Variants in U2SURP observed in about 807,000 individuals in gnomAD.
The protein encoded by U2SURP is U2 snRNP-associated SURP motif-containing protein.
Under a neutral mutation model 144.9 loss-of-function variants are expected in U2SURP, and 9 were observed. The ratio of observed to expected loss-of-function variants is 0.06; its 90% CI spans 0.04 to 0.11. U2SURP has a LOEUF of 0.11. Among genes scored for constraint, U2SURP ranks in the 10% least tolerant of loss-of-function variants. The pLI is 1.00. For missense variants in U2SURP, 724 were observed against 1,226.7 expected, an observed-to-expected ratio of 0.59 and a Z score of 6.12; for synonymous variants, 408 against 396.8, an observed-to-expected ratio of 1.03 and a Z score of -0.33.
rs778551282 is a variant in U2SURP at position 143,060,083 on chromosome 3, A to T, written c.*3633A>T. The stretch of plus-strand genomic sequence containing the variant: ...TTGAAAATTTGATGCCTCAGTGTTT[A>T]TTCAGTACCACCTCATGGAGCTTCA... On this transcript the variant is annotated 3_prime_UTR_variant, in exon 28 of 28. Coordinates refer to ENST00000473835, the MANE Select transcript of U2SURP (RefSeq NM_001080415.2). The T allele has an allele frequency of 7.2e-5, 11 of 152,438 alleles. No individual in the cohort carries two copies. The highest frequency in any genetic ancestry group is 1.5e-4 in the Non-Finnish European group (10 of 67,898). 9.4% of individuals were successfully genotyped at this position (152,438 alleles called of 1,614,324 possible).
chr3:143,002,336 A>C (rs1325441047), intron 1 of U2SURP: 1 of 152,334 alleles, frequency 6.6e-6, no homozygotes, highest in Non-Finnish European at 1.5e-5. Context: ...TTGAAGAAAC[A>C]GTGAAAAGAG....
intron 24 of U2SURP, among the ~76,000 whole-genome samples, chr3:143,046,284 T>TA (rs1934438773): frequency 9.2e-6 from 1 of 108,678 alleles, no homozygotes; most frequent in Admixed American, 9.6e-5. Context: ...TTTTTTTTTT[T>TA]AGTTTATTTT....
rs1935155345 is a variant in U2SURP at position 143,056,404 on chromosome 3, G to T, written c.3044G>T (p.Arg1015Ile). 2 of 1,613,086 alleles carry T rather than the reference G, an allele frequency of 1.2e-6. No individual in the cohort carries two copies. The highest frequency in any genetic ancestry group is 1.7e-6 in the Non-Finnish European group (2 of 1,179,372). The change falls in exon 28 of 28, where the codon AGA (arginine) becomes ATA (isoleucine). Residue 1015 changes from arginine to isoleucine, a missense_variant. This residue lies in a region of U2SURP where 129 missense variants were observed against 196.1 expected (regional missense o/e 0.66). Transcript: ENST00000473835. Reference protein sequence around the residue: ...KSGKKSRSQSRSPHRSHKKSK... With the variant: ...KSGKKSRSQSISPHRSHKKSK... Reference sequence around the variant, plus strand: ...GGAAAGAAGTCCAGATCCCAGTCCAGATCTCCACACAGGTCTCATAAAAAG... The same window carrying T: ...GGAAAGAAGTCCAGATCCCAGTCCATATCTCCACACAGGTCTCATAAAAAG...
chr3:143,056,606 C>G lies in U2SURP; in HGVS notation c.*156C>G. ...TGTGTAAACTCATGAGCAACTGCAT[C>G]TGTAGATCTGTCATTGTTTTATATT... On this transcript the variant is annotated 3_prime_UTR_variant, in exon 28 of 28. Transcript: ENST00000473835. 1 of 734,304 alleles carries G rather than the reference C, an allele frequency of 1.4e-6. No individual in the cohort carries two copies. The highest frequency in any genetic ancestry group is 2.2e-6 in the Non-Finnish European group (1 of 461,594). The allele number at this position is 734,304 out of a possible 1,614,324, so 45.5% of individuals were successfully genotyped here. A position where few individuals can be genotyped will look rare whatever the true frequency, so the allele number is the denominator to read the frequency against.
At chr3:143,046,290 ATTTTTTATTT>A (rs1378590695) in intron 24 of U2SURP, among the ~76,000 whole-genome samples, 8 of 55,142 alleles carry the variant, frequency 1.5e-4, no homozygotes, top group African/African-American at 4.9e-4. Flanking sequence ...TTTTTAGTTT[ATTTTTTATTT>A]TTTTTTATTT....
intron 24 of U2SURP, among the ~76,000 whole-genome samples, chr3:143,046,532 A>G (rs1244697499): frequency 9.0e-6 from 1 of 110,672 alleles, no homozygotes; most frequent in Non-Finnish European, 1.8e-5. Flanking sequence ...CTTAACGAGC[A>G]TGCTGCCTTC....
chr3:143,001,700 C>T lies in U2SURP; in HGVS notation c.45+27C>T, dbSNP rs112914172. On this transcript the variant is annotated intron_variant, in intron 1 of 27. Coordinates refer to ENST00000473835, the MANE Select transcript of U2SURP (RefSeq NM_001080415.2). Reference sequence around the variant, plus strand: ...TAATTTCTGACAAAATTTCGTAAGTCAGCGGATCTACCACTGTCGTTTGGG... The same window carrying T: ...TAATTTCTGACAAAATTTCGTAAGTTAGCGGATCTACCACTGTCGTTTGGG... 2,445 of 1,613,182 alleles carry T rather than the reference C, an allele frequency of 1.5e-3. 7 individuals carry two copies. Among genetic ancestry groups the T allele is most frequent in the Non-Finnish European group, 1.8e-3 (2,082 of 1,179,578 alleles).
chr3:143,019,563 G>A (rs185286848), intron 6 of U2SURP, among the ~76,000 whole-genome samples: 2 of 152,230 alleles, frequency 1.3e-5, no homozygotes, highest in East Asian at 3.9e-4. Flanking sequence ...AATTATGTTG[G>A]CACTTCTAAA....
chr3:143,045,229 C>T (rs1934363957), intron 24 of U2SURP, among the ~76,000 whole-genome samples: 1 of 152,012 alleles, frequency 6.6e-6, no homozygotes, highest in African/African-American at 2.4e-5. Flanking sequence ...ATTAGCCGGG[C>T]ATGGTGACGG....
rs1410547381 is a variant in U2SURP, at chr3:143,058,143, C to T, written c.*1693C>T. The T allele has an allele frequency of 6.6e-6, 1 of 152,352 alleles. No homozygotes were observed. Among genetic ancestry groups the T allele is most frequent in the Non-Finnish European group, 1.5e-5 (1 of 67,850 alleles). The allele number at this position is 152,352 out of a possible 1,614,324, so 9.4% of individuals were successfully genotyped here. A position where few individuals can be genotyped will look rare whatever the true frequency, so the allele number is the denominator to read the frequency against. ...TTAAAAAGTAACATGTTTTTCTCCCCTGCTCATTGCCTGGGAGAATGGAAT... is the reference window on the plus strand; with the variant it reads ...TTAAAAAGTAACATGTTTTTCTCCCTTGCTCATTGCCTGGGAGAATGGAAT... On this transcript the variant is annotated 3_prime_UTR_variant, in exon 28 of 28. Coordinates refer to ENST00000473835, the MANE Select transcript of U2SURP (RefSeq NM_001080415.2).
intron 25 of U2SURP, among the ~76,000 whole-genome samples, chr3:143,051,865 T>A (rs1295529645): frequency 5.3e-5 from 8 of 152,078 alleles, no homozygotes; most frequent in Admixed American, 3.9e-4. Flanking sequence ...TTTGTAAGAT[T>A]ATGAGTTAGA....
chr3:143,055,769 A>G (rs1935120413), intron 27 of U2SURP, among the ~76,000 whole-genome samples: 2 of 152,132 alleles, frequency 1.3e-5, no homozygotes, highest in South Asian at 4.1e-4. Context: ...TGTGTTATAT[A>G]TGTATGTATA....
At chr3:143,026,948 C>T (rs1933188805) in intron 13 of U2SURP, 1 of 426,616 alleles carries the variant, frequency 2.3e-6, no homozygotes, top group Non-Finnish European at 4.2e-6. Context: ...TCCATCCCCT[C>T]CCACTTCCCT....
At chr3:143,028,738 T>C in intron 16 of U2SURP, 92 bp downstream of exon 16, 2 of 1,142,940 alleles carry the variant, frequency 1.7e-6, no homozygotes, top group Non-Finnish European at 2.4e-6. Context: ...AACCCTAAAA[T>C]AAATTTTTTT....
Position 143,055,068 on chromosome 3 carries a change from C to T in U2SURP, c.2900C>T (p.Ser967Phe). Residue 967 changes from serine (S) to phenylalanine (F), a missense_variant, in exon 27 of 28, where the codon TCC (serine) becomes TTC (phenylalanine). By Grantham distance (155) the Ser-to-Phe change is radical. Around this residue, in one of 13 missense-constraint regions of U2SURP, gnomAD observed 129 missense variants for 196.1 expected, o/e 0.66. Transcript: ENST00000473835. ...SERSHKESSR[S>F]RSSHKDSPRD... ...AGATCTCATAAAGAGAGCTCACGGT[C>T]CAGGTCATCTCACAAAGATTCTCCT... is the stretch of plus-strand genomic sequence containing the variant. The T allele has an allele frequency of 6.2e-7, 1 of 1,607,230 alleles. No individual in the cohort carries two copies. Among genetic ancestry groups the T allele is most frequent in the Non-Finnish European group, 8.5e-7 (1 of 1,177,194 alleles).
chr3:143,044,170 A>G (rs1578160761), intron 24 of U2SURP, among the ~76,000 whole-genome samples: 1 of 152,060 alleles, frequency 6.6e-6, no homozygotes, highest in East Asian at 1.9e-4. Flanking sequence ...TCTGTACCAT[A>G]TGAAGGAGAA....
intron 6 of U2SURP, chr3:143,017,325 G>A (rs1351802305): frequency 1.2e-5 from 2 of 165,584 alleles, no homozygotes; most frequent in African/African-American, 4.8e-5. Context: ...TAAATTATTA[G>A]TATGTGTAGT....
chr3:143,022,921 A>G lies in U2SURP; in HGVS notation c.1087A>G (p.Ile363Val), dbSNP rs749421442. 8.1e-6 allele frequency: 13 copies of G among 1,612,676 alleles called. No homozygotes were observed. Among genetic ancestry groups the G allele is most frequent in the Admixed American group, 5.0e-5 (3 of 59,794 alleles). Reference sequence around the variant, plus strand: ...AGCTGTACCTATTCCTCCACATCCAATATACATTCCGCCTTCTATGATGGA... The same window carrying G: ...AGCTGTACCTATTCCTCCACATCCAGTATACATTCCGCCTTCTATGATGGA... ...GKAVPIPPHP[I>V]YIPPSMMEHT... The change falls in exon 12 of 28, where the codon ATA (isoleucine) becomes GTA (valine). Residue 363 changes from isoleucine to valine, a missense_variant. Physicochemically the swap from Ile to Val is conservative, Grantham distance 29. Transcript: ENST00000473835.
At position 143,038,139 on chromosome 3, in the gene U2SURP, G is replaced by A; in HGVS notation, c.2253G>A (p.Glu751=). The A allele has an allele frequency of 2.5e-6, 4 of 1,607,664 alleles. No homozygotes were observed. Among genetic ancestry groups the A allele is most frequent in the Non-Finnish European group, 2.5e-6 (3 of 1,177,042 alleles). ...LDATEDSKKN[E]PIFKVAPSKW... is the part of the protein sequence containing the mutation. The stretch of plus-strand genomic sequence containing the variant: ...CAACTGAAGACTCAAAAAAGAATGA[G>A]CCTATATTTAAAGTTGCCCCATCAA... The change falls in exon 22 of 28, where the codon GAG becomes GAA. Residue 751 remains glutamate (E), a synonymous_variant. Coordinates refer to ENST00000473835, the MANE Select transcript of U2SURP (RefSeq NM_001080415.2).
Sources: gnomAD v4.1 joint callset for allele counts (sites outside exome capture counted in the v4.1 genomes callset) on GRCh38, gnomAD v4.1.1 for gene constraint, gnomAD v4.1.1 regional missense constraint, MANE v1.5 for transcripts, NCBI Gene and HGNC (gene_info 2026-07-23, HGNC 2026-07-21) for gene names.